The following CNTN3 variants were observed in gnomAD, a reference collection of about 807,000 sequenced individuals.
The protein encoded by CNTN3 is contactin-3.
In CNTN3, 60 loss-of-function variants were observed where a neutral mutation model predicts 119.1. The ratio of observed to expected loss-of-function variants is 0.50; its 90% CI spans 0.41 to 0.62. CNTN3 has a LOEUF of 0.62. Among genes scored for constraint, CNTN3 ranks in the 20% least tolerant of loss-of-function variants. CNTN3 has a pLI of 0.00. For synonymous variants in CNTN3, 450 were observed against 438.7 expected, an observed-to-expected ratio of 1.03 and a Z score of -0.32; for missense variants, 1,101 against 1,242.4, an observed-to-expected ratio of 0.89 and a Z score of 1.71.
intron 5 of CNTN3, among the ~76,000 whole-genome samples, chr3:74,401,811 A>C (rs1705201631): frequency 6.6e-6 from 1 of 152,078 alleles, no homozygotes; most frequent in African/African-American, 2.4e-5. Context: ...CACCTCTGCT[A>C]CTCAGTGCAT....
chr3:74,551,624 TC>T (rs1357687639), intron 1 of CNTN3, among the ~76,000 whole-genome samples: 1 of 152,056 alleles, frequency 6.6e-6, no homozygotes, highest in Admixed American at 6.6e-5. Flanking sequence ...CACCTATTCT[TC>T]CTTCCCTCCA....
chr3:74,529,333 T>A (rs1463603276), intron 1 of CNTN3, among the ~76,000 whole-genome samples: 2 of 151,940 alleles, frequency 1.3e-5, no homozygotes, highest in African/African-American at 2.4e-5. Flanking sequence ...GGCACTGAAA[T>A]TTTGTTTGCA....
chr3:74,511,879 G>A (rs1703370738), intron 2 of CNTN3, among the ~76,000 whole-genome samples: 1 of 152,098 alleles, frequency 6.6e-6, no homozygotes, highest in African/African-American at 2.4e-5. Flanking sequence ...TCTAGCGCAT[G>A]TTATGAAAAA....
intron 5 of CNTN3, among the ~76,000 whole-genome samples, chr3:74,371,924 C>T (rs1192376782): frequency 6.6e-6 from 1 of 152,096 alleles, no homozygotes; most frequent in African/African-American, 2.4e-5. Flanking sequence ...CCTACAACTC[C>T]TGTTGTCTCT....
At chr3:74,421,513 G>T (rs973295711) in intron 5 of CNTN3, among the ~76,000 whole-genome samples, 7 of 152,082 alleles carry the variant, frequency 4.6e-5, no homozygotes, top group Non-Finnish European at 1.0e-4. Context: ...TGCTTACTCT[G>T]TTAGGCTGAT....
rs1477381373 is a variant in CNTN3, at chr3:74,362,052, G to A, written c.1214-12C>T. On this transcript the variant is annotated splice_polypyrimidine_tract_variant and intron_variant, in intron 10 of 22. Transcript: ENST00000263665. ...ATCTGGAGCAGAAGCTGAAAGGCAA[G>A]AAAGGAGAGAAGGAGAAGTGGATCA... 3.7e-6 allele frequency: 6 copies of A among 1,612,090 alleles called. No individual in the cohort carries two copies. Among genetic ancestry groups the A allele is most frequent in the African/African-American group, 2.7e-5 (2 of 74,842 alleles).
At chr3:74,277,276 C>T (rs1575692358) in intron 20 of CNTN3, among the ~76,000 whole-genome samples, 2 of 152,078 alleles carry the variant, frequency 1.3e-5, no homozygotes, top group Non-Finnish European at 2.9e-5. Context: ...ATGAAGCCAG[C>T]ATCACCCTAA....
chr3:74,526,947 AAC>A (rs904843006), intron 1 of CNTN3, among the ~76,000 whole-genome samples: 9 of 151,858 alleles, frequency 5.9e-5, no homozygotes, highest in Non-Finnish European at 1.0e-4. Flanking sequence ...AATCAGCCAA[AAC>A]TATGAATGCA....
intron 11 of CNTN3, among the ~76,000 whole-genome samples, chr3:74,354,871 C>G (rs1703900871): frequency 6.6e-6 from 1 of 152,232 alleles, no homozygotes; most frequent in South Asian, 2.1e-4. Context: ...ACACAGTTCT[C>G]TCTACTGATA....
At chr3:74,432,603 C>T (rs973605090) in intron 4 of CNTN3, among the ~76,000 whole-genome samples, 2 of 152,114 alleles carry the variant, frequency 1.3e-5, no homozygotes, top group African/African-American at 4.8e-5. Context: ...ATAAAAAAAT[C>T]CCAGCTCAGT....
At chr3:74,335,846 A>G (rs536659897) in intron 12 of CNTN3, among the ~76,000 whole-genome samples, 1 of 152,232 alleles carries the variant, frequency 6.6e-6, no homozygotes, top group African/African-American at 2.4e-5. Flanking sequence ...TGTCCATGAA[A>G]TCTTTTTCCA....
At chr3:74,371,431 C>T in intron 5 of CNTN3, 32 bp from the exon 6 acceptor site, 1 of 1,522,172 alleles carries the variant, frequency 6.6e-7, no homozygotes, top group African/African-American at 1.4e-5. Flanking sequence ...GAAAGAAATT[C>T]CATCATTAAG....
At chr3:74,510,438 G>A (rs952972666) in intron 2 of CNTN3, among the ~76,000 whole-genome samples, 2 of 151,992 alleles carry the variant, frequency 1.3e-5, no homozygotes, top group Non-Finnish European at 2.9e-5. Flanking sequence ...GTACAAGACA[G>A]GACTAGCTTC....
intron 1 of CNTN3, among the ~76,000 whole-genome samples, chr3:74,529,565 A>G (rs773073780): frequency 2.6e-5 from 4 of 151,940 alleles, no homozygotes; most frequent in Non-Finnish European, 4.4e-5. Flanking sequence ...AACTACTGAG[A>G]GGTTACCACT....
At chr3:74,355,037 C>T (rs750882738) in intron 11 of CNTN3, among the ~76,000 whole-genome samples, 8 of 152,118 alleles carry the variant, frequency 5.3e-5, no homozygotes, top group Admixed American at 1.3e-4. Context: ...GAGTCTTTCT[C>T]CTAAGTTCCA....
chr3:74,284,063 GAT>G (rs1461252509), intron 20 of CNTN3, among the ~76,000 whole-genome samples: 4 of 152,044 alleles, frequency 2.6e-5, no homozygotes, highest in African/African-American at 9.7e-5. Flanking sequence ...CTAATACAAA[GAT>G]AAACACACAA....
At chr3:74,535,843 G>A (rs1013158487) in intron 1 of CNTN3, among the ~76,000 whole-genome samples, 2 of 151,964 alleles carry the variant, frequency 1.3e-5, no homozygotes, top group Admixed American at 6.6e-5. Flanking sequence ...CATTCGTGAC[G>A]ACCAAACCAA....
chr3:74,348,738 AC>A (rs1341233624), intron 11 of CNTN3, among the ~76,000 whole-genome samples: 2 of 152,112 alleles, frequency 1.3e-5, no homozygotes, highest in Non-Finnish European at 2.9e-5. Flanking sequence ...GGAATGCCTG[AC>A]CCATGGAAAC....
chr3:74,496,990 T>C (rs969252527), intron 3 of CNTN3, among the ~76,000 whole-genome samples: 1 of 152,038 alleles, frequency 6.6e-6, no homozygotes, highest in African/African-American at 2.4e-5. Context: ...GGACATTCTT[T>C]TACAAGATTC....
Sources: gnomAD v4.1 joint callset for allele counts (sites outside exome capture counted in the v4.1 genomes callset) on GRCh38, gnomAD v4.1.1 for gene constraint, MANE v1.5 for transcripts, NCBI Gene and HGNC (gene_info 2026-07-23, HGNC 2026-07-21) for gene names.